The following FLI1 variants were observed in gnomAD, a reference collection of about 807,000 sequenced individuals.
FLI1 encodes the protein Fli-1 proto-oncogene, ETS transcription factor.
Under a neutral mutation model 53.1 loss-of-function variants are expected in FLI1, and 13 were observed. The observed-to-expected ratio is 0.24, with a 90% CI of 0.16 to 0.39. FLI1 has a LOEUF of 0.39. Ranked by LOEUF, FLI1 falls within the 10% of genes least tolerant of loss-of-function variation. The probability of loss-of-function intolerance (pLI) is 1.00; values close to 1 mark genes in which losing one functional copy is unlikely to be tolerated. For synonymous variants in FLI1, 244 were observed against 236.7 expected, an observed-to-expected ratio of 1.03 and a Z score of -0.28; for missense variants, 424 against 600.5, an observed-to-expected ratio of 0.71 and a Z score of 3.07.
At chr11:128,723,599 G>C (rs1437306213) in intron 1 of FLI1, among the ~76,000 whole-genome samples, 1 of 152,152 alleles carries the variant, frequency 6.6e-6, no homozygotes, top group Non-Finnish European at 1.5e-5. Context: ...AGGAGGATAG[G>C]TATAGAAAAA....
In FLI1 at chr11:128,806,841, G is replaced by A. The variant is rs76603865; in HGVS notation, c.722-339G>A. ...GAAATCCACAGCCTCAGTACCATCAGTGATGCTATACTGTTAGTTTACTTT... is the reference window on the plus strand; with the variant it reads ...GAAATCCACAGCCTCAGTACCATCAATGATGCTATACTGTTAGTTTACTTT... On this transcript the variant is annotated intron_variant, in intron 6 of 8. Coordinates refer to ENST00000527786, the MANE Select transcript of FLI1 (RefSeq NM_002017.5). 8.7e-5 allele frequency: 16 copies of A among 184,658 alleles called. No individual in the cohort carries two copies. In the East Asian group the frequency reaches 2.0e-3, roughly 24 times the overall value. The allele number at this position is 184,658 out of a possible 1,614,324, so 11.4% of individuals were successfully genotyped here.
Position 128,715,870 on chromosome 11 carries a change from T to C in FLI1, c.18+21594T>C, listed in dbSNP as rs1489316417. On this transcript the variant is annotated intron_variant, in intron 1 of 8. Coordinates refer to ENST00000527786, the MANE Select transcript of FLI1 (RefSeq NM_002017.5). ...GATAACATTAATGACAAGTGGAACA[T>C]TTCCAGGACAAAGGAAATTCCCTGT... Among the ~76,000 whole-genome samples, 4 of 152,322 alleles carry C rather than the reference T, an allele frequency of 2.6e-5. No individual in the cohort carries two copies. In the East Asian group the frequency reaches 7.7e-4, roughly 29 times the overall value.
intron 6 of FLI1, 25 bp from the exon 7 acceptor site, chr11:128,807,155 T>C (rs1391139022): frequency 2.5e-6 from 4 of 1,569,750 alleles, no homozygotes; most frequent in Non-Finnish European, 3.5e-6. Flanking sequence ...TCCTACTCAC[T>C]GCATTTCTTT....
chr11:128,697,277 G>A (rs1938120746), intron 1 of FLI1, among the ~76,000 whole-genome samples: 2 of 152,216 alleles, frequency 1.3e-5, no homozygotes, highest in Admixed American at 6.5e-5. Flanking sequence ...CTCAGTGCAC[G>A]TGGTGTCATT....
intron 1 of FLI1, among the ~76,000 whole-genome samples, chr11:128,750,634 A>G (rs12270662): frequency 0.026 from 4,022 of 152,256 alleles, 170 homozygotes; most frequent in African/African-American, 0.092. Context: ...GGCCTTAGCT[A>G]GACTGTTTGA....
intron 3 of FLI1, among the ~76,000 whole-genome samples, chr11:128,770,824 A>G (rs1387456335): frequency 6.6e-6 from 1 of 152,238 alleles, no homozygotes; most frequent in Non-Finnish European, 1.5e-5. Context: ...CCAATGATCC[A>G]TGCCTAATTG....
At chr11:128,748,722 G>A (rs1285423073) in intron 1 of FLI1, among the ~76,000 whole-genome samples, 3 of 152,128 alleles carry the variant, frequency 2.0e-5, no homozygotes, top group Non-Finnish European at 4.4e-5. Context: ...GCCTAAAATT[G>A]GAGACGGCAA....
chr11:128,781,136 A>G (rs1042194868), intron 4 of FLI1, among the ~76,000 whole-genome samples: 1 of 152,262 alleles, frequency 6.6e-6, no homozygotes, highest in African/African-American at 2.4e-5. Flanking sequence ...TTCTGAGATT[A>G]CAGAAAATTC....
At chr11:128,705,388 C>A (rs1938505037) in intron 1 of FLI1, among the ~76,000 whole-genome samples, 1 of 152,168 alleles carries the variant, frequency 6.6e-6, no homozygotes. Flanking sequence ...TTTTATAGCT[C>A]AATAGAGAAC....
At chr11:128,760,946 C>T (rs541752156) in intron 2 of FLI1, among the ~76,000 whole-genome samples, 1 of 152,322 alleles carries the variant, frequency 6.6e-6, no homozygotes, top group Admixed American at 6.5e-5. Flanking sequence ...CCTGCTCTCC[C>T]CACTTCCTCC....
At chr11:128,746,672 A>G (rs1415476185) in intron 1 of FLI1, among the ~76,000 whole-genome samples, 1 of 151,478 alleles carries the variant, frequency 6.6e-6, no homozygotes, top group Non-Finnish European at 1.5e-5. Flanking sequence ...TACTATTTCA[A>G]CCCTGCAGTG....
intron 5 of FLI1, among the ~76,000 whole-genome samples, chr11:128,783,737 A>C (rs983982571): frequency 1.3e-5 from 2 of 152,250 alleles, no homozygotes; most frequent in African/African-American, 2.4e-5. Context: ...GAACTCTGTC[A>C]GCAAGAGGCC....
intron 5 of FLI1, among the ~76,000 whole-genome samples, chr11:128,783,266 CAG>C (rs944059735): frequency 3.9e-5 from 6 of 152,214 alleles, no homozygotes; most frequent in African/African-American, 1.4e-4. Context: ...GTGAAGGAAA[CAG>C]AGAGCCAAAG....
chr11:128,716,761 A>C (rs1291263303), intron 1 of FLI1, among the ~76,000 whole-genome samples: 1 of 152,138 alleles, frequency 6.6e-6, no homozygotes, highest in Non-Finnish European at 1.5e-5. Context: ...AGGGCTCTGC[A>C]TTCCTTCTGG....
At chr11:128,750,286 T>G (rs567110238) in intron 1 of FLI1, among the ~76,000 whole-genome samples, 32 of 152,200 alleles carry the variant, frequency 2.1e-4, no homozygotes, top group Admixed American at 1.8e-3. Flanking sequence ...CCCAGACAAC[T>G]GTCCTTAGGA....
chr11:128,696,432 G>T (rs1412254381), intron 1 of FLI1, among the ~76,000 whole-genome samples: 3 of 152,162 alleles, frequency 2.0e-5, no homozygotes, highest in Non-Finnish European at 4.4e-5. Flanking sequence ...ACTGTGCTTG[G>T]AGAGGACAGT....
intron 3 of FLI1, among the ~76,000 whole-genome samples, chr11:128,771,501 G>C (rs957388634): frequency 2.6e-5 from 4 of 152,236 alleles, no homozygotes; most frequent in African/African-American, 9.6e-5. Context: ...TGTGAAGCGT[G>C]AGCCTTGCTT....
chr11:128,784,458 G>A (rs992252110), intron 5 of FLI1, among the ~76,000 whole-genome samples: 3 of 152,076 alleles, frequency 2.0e-5, no homozygotes, highest in South Asian at 2.1e-4. Context: ...GCAAACACAC[G>A]CTGCCAGGAC....
intron 1 of FLI1, among the ~76,000 whole-genome samples, chr11:128,732,701 A>G (rs1565471980): frequency 6.6e-6 from 1 of 152,240 alleles, no homozygotes; most frequent in Non-Finnish European, 1.5e-5. Context: ...AATGATTAAG[A>G]TGAGAGGAAT....
Sources: allele counts gnomAD v4.1 joint callset (sites outside exome capture counted in the v4.1 genomes callset), GRCh38; gene constraint gnomAD v4.1.1; transcripts MANE v1.5; gene names NCBI Gene and HGNC (gene_info 2026-07-23, HGNC 2026-07-21).